ACAA2: variants seen among roughly 807,000 people sequenced by gnomAD.
ACAA2 encodes 3-ketoacyl-CoA thiolase, mitochondrial.
Under a neutral mutation model 44.8 loss-of-function variants are expected in ACAA2, and 35 were observed. The observed-to-expected ratio is 0.78, with a 90% CI of 0.60 to 1.04. The LOEUF (loss-of-function observed/expected upper bound fraction) is 1.04, where lower values mean the gene tolerates loss of function less well. Among genes scored for constraint, ACAA2 ranks in the 50% least tolerant of loss-of-function variants. The pLI is 0.00. For synonymous variants in ACAA2, 142 were observed against 166.5 expected, an observed-to-expected ratio of 0.85 and a Z score of 1.13; for missense variants, 468 against 482.6, an observed-to-expected ratio of 0.97 and a Z score of 0.28.
In ACAA2 at chr18:49,795,932, T is replaced by C. The variant is rs369142768; in HGVS notation, c.313-51A>G. The C allele has an allele frequency of 9.8e-5, 112 of 1,141,288 alleles. No homozygotes were observed. The African/African-American group carries it at 1.6e-3, about 17-fold the overall frequency. The allele number at this position is 1,141,288 out of a possible 1,614,324, so 70.7% of individuals were successfully genotyped here. A position where few individuals can be genotyped will look rare whatever the true frequency, so the allele number is the denominator to read the frequency against. The stretch of plus-strand genomic sequence containing the variant: ...AACTCCTTTTACCGTACCCAAACAA[T>C]GTATTAAGAAACACACTGATTTTAC... On this transcript the variant is annotated intron_variant, in intron 3 of 9. Coordinates refer to ENST00000285093, the MANE Select transcript of ACAA2 (RefSeq NM_006111.3).
At chr18:49,809,293 C>A (rs1184237420) in intron 1 of ACAA2, among the ~76,000 whole-genome samples, 1 of 152,186 alleles carries the variant, frequency 6.6e-6, no homozygotes, top group Non-Finnish European at 1.5e-5. Flanking sequence ...ACACAATCAT[C>A]ACAGTGGACC....
intron 2 of ACAA2, 42 bp from the exon 3 acceptor site, chr18:49,797,636 TCTA>T (rs1308016442): frequency 6.6e-7 from 1 of 1,510,124 alleles, no homozygotes; most frequent in Non-Finnish European, 9.0e-7. Context: ...TCTCTATAAA[TCTA>T]CTAATTAAGA....
chr18:49,802,472 G>A (rs1309231896), intron 2 of ACAA2, among the ~76,000 whole-genome samples: 3 of 148,778 alleles, frequency 2.0e-5, no homozygotes, highest in African/African-American at 7.5e-5. Context: ...TGAGGCAGGA[G>A]AATTGCTTGA....
intron 7 of ACAA2, among the ~76,000 whole-genome samples, chr18:49,791,029 G>A (rs1705384650): frequency 6.6e-6 from 1 of 152,190 alleles, no homozygotes. Context: ...TACTGGAGAC[G>A]TGGGAAGACT....
intron 7 of ACAA2, among the ~76,000 whole-genome samples, chr18:49,789,059 G>A (rs1483543678): frequency 5.9e-5 from 9 of 152,270 alleles, no homozygotes; most frequent in Non-Finnish European, 8.8e-5. Flanking sequence ...CAGCTGAAGA[G>A]GCTCAAAGTT....
chr18:49,783,931 C>A lies in ACAA2; in HGVS notation c.1110G>T (p.Arg370Ser), dbSNP rs569859118. Residue 370 changes from arginine to serine, a missense_variant and splice_region_variant, in exon 10 of 10, where the codon AGG becomes AGT. By Grantham distance (110) the Arg-to-Ser change is moderately radical. Coordinates refer to ENST00000285093, the MANE Select transcript of ACAA2 (RefSeq NM_006111.3). ...CAACGGCATATTTTCCACCTCGACGCCTGAAAAAGAAAGCAGTGACTGAAA... is the reference window on the plus strand; with the variant it reads ...CAACGGCATATTTTCCACCTCGACGACTGAAAAAGAAAGCAGTGACTGAAA... ...RITAHLVHEL[R>S]RRGGKYAVGS... 1 of 1,613,728 alleles carries A rather than the reference C, an allele frequency of 6.2e-7. No individual in the cohort carries two copies. Among genetic ancestry groups the A allele is most frequent in the East Asian group, 2.2e-5 (1 of 44,850 alleles).
chr18:49,794,515 C>T (rs1335156457), intron 4 of ACAA2, 88 bp from the exon 5 acceptor site: 26 of 1,086,140 alleles, frequency 2.4e-5, no homozygotes, highest in Non-Finnish European at 3.0e-5. Context: ...TCAACACTTC[C>T]AATAAACAAA....
At chr18:49,796,796 T>C (rs970662319) in intron 3 of ACAA2, among the ~76,000 whole-genome samples, 1 of 152,248 alleles carries the variant, frequency 6.6e-6, no homozygotes, top group Middle Eastern at 3.4e-3. Context: ...GTAACCTTAA[T>C]GGCTTTAATC....
At chr18:49,786,244 A>G (rs1204544543) in intron 8 of ACAA2, 2 of 152,202 alleles carry the variant, frequency 1.3e-5, no homozygotes, top group African/African-American at 4.8e-5. Context: ...AGGAGGTACT[A>G]AGAGACCTAG....
At chr18:49,794,458 T>TA in intron 4 of ACAA2, 31 bp from the exon 5 acceptor site, 1 of 1,485,084 alleles carries the variant, frequency 6.7e-7, no homozygotes, top group South Asian at 1.5e-5. Context: ...AGTGACTTGT[T>TA]AAGGCATTTC....
At chr18:49,792,499 C>T (rs2023415371) in intron 5 of ACAA2, among the ~76,000 whole-genome samples, 172 bp from the exon 6 acceptor site, 2 of 152,174 alleles carry the variant, frequency 1.3e-5, no homozygotes, top group Admixed American at 6.5e-5. Flanking sequence ...GGCTGGAGTG[C>T]AACGGCACAG....
chr18:49,792,429 A>G, intron 5 of ACAA2, 102 bp from the exon 6 acceptor site: 1 of 1,076,440 alleles, frequency 9.3e-7, no homozygotes, highest in Non-Finnish European at 1.3e-6. Flanking sequence ...TTTTCCTCAC[A>G]GTCTACTTTA....
At chr18:49,798,954 C>T (rs1186943061) in intron 2 of ACAA2, among the ~76,000 whole-genome samples, 1 of 151,886 alleles carries the variant, frequency 6.6e-6, no homozygotes, top group African/African-American at 2.4e-5. Flanking sequence ...ACAGAATATG[C>T]TTCGAATAAC....
chr18:49,803,239 AAATAATAATAAT>A lies in ACAA2; in HGVS notation c.17-398_17-387del, dbSNP rs10639158. Among the ~76,000 whole-genome samples, 26 of 142,386 alleles carry A rather than the reference AAATAATAATAAT, an allele frequency of 1.8e-4. No homozygotes were observed. The South Asian group carries it at 2.3e-3, about 13-fold the overall frequency. The allele number at this position is 142,386 out of a possible 152,430, so 93.4% of individuals were successfully genotyped here. On this transcript the variant is annotated intron_variant, in intron 1 of 9. Transcript: ENST00000285093. ...TGCCACCACCCGGCCCTGGTAGTTA[AAATAATAATAAT>A]AATAATAATAATAATAATAATAATA...
chr18:49,813,322 G>T, intron 1 of ACAA2, 147 bp downstream of exon 1: 1 of 610,632 alleles, frequency 1.6e-6, no homozygotes, highest in Non-Finnish European at 2.4e-6. Flanking sequence ...TTCGGGCTGG[G>T]TTTTTATCAC....
intron 7 of ACAA2, among the ~76,000 whole-genome samples, chr18:49,789,604 G>GAAAA (rs1211740116): frequency 6.6e-6 from 1 of 152,142 alleles, no homozygotes; most frequent in African/African-American, 2.4e-5. Flanking sequence ...AAGTTAAACT[G>GAAAA]AAAAAGGAGT....
intron 1 of ACAA2, among the ~76,000 whole-genome samples, chr18:49,809,668 A>AGG: frequency 6.6e-6 from 1 of 152,392 alleles, no homozygotes; most frequent in Admixed American, 6.5e-5. Context: ...ATATCTGGAA[A>AGG]AGGCAAAGCT....
Position 49,787,274 on chromosome 18 carries a change from A to AC in ACAA2, c.954+16_954+17insG. 2 of 1,439,816 alleles carry AC rather than the reference A, an allele frequency of 1.4e-6. No individual in the cohort carries two copies. Among genetic ancestry groups the AC allele is most frequent in the Non-Finnish European group, 1.8e-6 (2 of 1,096,810 alleles). 89.2% of individuals were successfully genotyped at this position (1,439,816 alleles called of 1,614,324 possible). On this transcript the variant is annotated intron_variant, in intron 8 of 9. Coordinates refer to ENST00000285093, the MANE Select transcript of ACAA2 (RefSeq NM_006111.3). ...ATTCATGTTGTTAAAAAAAAAAAAAAAAAAAAAAACACTTACCTCTACCAA... is the reference window on the plus strand; with the variant it reads ...ATTCATGTTGTTAAAAAAAAAAAAAACAAAAAAAAACACTTACCTCTACCAA...
intron 2 of ACAA2, among the ~76,000 whole-genome samples, chr18:49,801,945 T>C (rs1275367896): frequency 6.6e-6 from 1 of 152,060 alleles, no homozygotes; most frequent in Non-Finnish European, 1.5e-5. Context: ...TTCAATTACC[T>C]GCATATGAAT....
Sources: gnomAD v4.1 joint callset for allele counts (sites outside exome capture counted in the v4.1 genomes callset) on GRCh38, gnomAD v4.1.1 for gene constraint, MANE v1.5 for transcripts, NCBI Gene and HGNC (gene_info 2026-07-23, HGNC 2026-07-21) for gene names.